GTF2F2: variants seen among roughly 807,000 people sequenced by gnomAD.
GTF2F2 encodes general transcription factor IIF subunit 2.
A neutral mutation model predicts 42.2 loss-of-function variants in GTF2F2; 23 were observed. That is an observed-to-expected ratio of 0.55 (90% CI 0.39 to 0.77). The LOEUF (loss-of-function observed/expected upper bound fraction) is 0.77, where lower values mean the gene tolerates loss of function less well. Ranked by LOEUF, GTF2F2 falls within the 30% of genes least tolerant of loss-of-function variation. GTF2F2 has a pLI of 0.00. For missense variants in GTF2F2, 261 were observed against 287.2 expected, an observed-to-expected ratio of 0.91 and a Z score of 0.66; for synonymous variants, 105 against 100.8, an observed-to-expected ratio of 1.04 and a Z score of -0.25.
rs183481513 is a variant in GTF2F2, at chr13:45,190,820, C to T, written c.305-16604C>T. Among the ~76,000 whole-genome samples the T allele has an allele frequency of 2.1e-3, 318 of 151,170 alleles. 4 individuals carry two copies. The highest frequency in any genetic ancestry group is 7.3e-3 in the African/African-American group (300 of 41,140). ...AGGCTGGAGTGCAGTGGTGCGATCTCGGCTCACCACAACTTCCACCTCTCA... is the reference window on the plus strand; with the variant it reads ...AGGCTGGAGTGCAGTGGTGCGATCTTGGCTCACCACAACTTCCACCTCTCA... On this transcript the variant is annotated intron_variant, in intron 4 of 7. Transcript: ENST00000340473.
At chr13:45,136,077 A>G (rs139662540) in intron 1 of GTF2F2, among the ~76,000 whole-genome samples, 2 of 152,360 alleles carry the variant, frequency 1.3e-5, no homozygotes, top group East Asian at 3.9e-4. Context: ...CTGGGTTCAA[A>G]TCCTGTCTCC....
chr13:45,204,108 C>A (rs80201420), intron 4 of GTF2F2, among the ~76,000 whole-genome samples: 1,781 of 152,110 alleles, frequency 0.012, 19 homozygotes, highest in Middle Eastern at 0.02. Context: ...GGAGTCTATA[C>A]ATTTTTCCTT....
At chr13:45,154,317 A>T (rs950725425) in intron 4 of GTF2F2, among the ~76,000 whole-genome samples, 1 of 152,254 alleles carries the variant, frequency 6.6e-6, no homozygotes, top group Non-Finnish European at 1.5e-5. Context: ...TGTTAGCCTC[A>T]AAATTAGTCT....
chr13:45,273,691 G>GT (rs2138271736), intron 7 of GTF2F2, among the ~76,000 whole-genome samples: 1 of 121,468 alleles, frequency 8.2e-6, no homozygotes, highest in African/African-American at 3.4e-5. Context: ...GTCTTGTTCT[G>GT]TGGCCCAGGC....
chr13:45,268,114 T>G (rs1876645381), intron 7 of GTF2F2, among the ~76,000 whole-genome samples: 1 of 152,158 alleles, frequency 6.6e-6, no homozygotes, highest in Non-Finnish European at 1.5e-5. Context: ...TCCATTTAAC[T>G]TTCTCCACCA....
At chr13:45,270,706 T>C in intron 7 of GTF2F2, among the ~76,000 whole-genome samples, 1 of 152,222 alleles carries the variant, frequency 6.6e-6, no homozygotes, top group South Asian at 2.1e-4. Flanking sequence ...TCTGGATTTT[T>C]CCCCCCTCAA....
chr13:45,167,632 T>G (rs1871356861), intron 4 of GTF2F2, among the ~76,000 whole-genome samples: 1 of 152,140 alleles, frequency 6.6e-6, no homozygotes, highest in Non-Finnish European at 1.5e-5. Context: ...TCTCTTGACG[T>G]CGTGATCTGC....
At chr13:45,203,963 A>G (rs386497818) in intron 4 of GTF2F2, among the ~76,000 whole-genome samples, 4 of 152,320 alleles carry the variant, frequency 2.6e-5, no homozygotes, top group Non-Finnish European at 4.4e-5. Flanking sequence ...CAAGGGATCA[A>G]TGATGTCAAG....
chr13:45,212,758 T>C (rs1439323568), intron 5 of GTF2F2, among the ~76,000 whole-genome samples: 1 of 151,804 alleles, frequency 6.6e-6, no homozygotes, highest in Non-Finnish European at 1.5e-5. Context: ...TTTTTTGTTG[T>C]TGAGACAGGG....
intron 5 of GTF2F2, among the ~76,000 whole-genome samples, chr13:45,228,011 G>A (rs986697855): frequency 6.6e-5 from 10 of 151,732 alleles, no homozygotes; most frequent in African/African-American, 2.4e-4. Flanking sequence ...TCTTTCATTT[G>A]GTTGCTAGTC....
At chr13:45,129,759 G>A (rs1382930703) in intron 1 of GTF2F2, among the ~76,000 whole-genome samples, 1 of 152,172 alleles carries the variant, frequency 6.6e-6, no homozygotes. Context: ...GTTCTAATGA[G>A]GAGGGAGAAT....
chr13:45,170,304 G>A (rs189204560), intron 4 of GTF2F2, among the ~76,000 whole-genome samples: 77 of 152,326 alleles, frequency 5.1e-4, no homozygotes, highest in Non-Finnish European at 1.0e-3. Context: ...GAGCCACTGT[G>A]CCCAGCTGAG....
At chr13:45,182,643 G>A (rs369496435) in intron 4 of GTF2F2, among the ~76,000 whole-genome samples, 10 of 152,094 alleles carry the variant, frequency 6.6e-5, no homozygotes, top group South Asian at 6.2e-4. Flanking sequence ...TCCCTCCTCC[G>A]ATTTGCTTAA....
chr13:45,202,610 A>G (rs1012663157), intron 4 of GTF2F2, among the ~76,000 whole-genome samples: 5 of 152,238 alleles, frequency 3.3e-5, no homozygotes, highest in Non-Finnish European at 1.5e-5. Context: ...AATGATATCA[A>G]TATGCAGTTC....
intron 7 of GTF2F2, among the ~76,000 whole-genome samples, chr13:45,282,122 TG>T (rs772890440): frequency 3.9e-4 from 60 of 152,214 alleles, no homozygotes; most frequent in Non-Finnish European, 6.6e-4. Context: ...CGCTTGAACC[TG>T]GGAGGCGGAG....
chr13:45,131,820 G>A (rs761997670), intron 1 of GTF2F2, among the ~76,000 whole-genome samples: 4 of 147,558 alleles, frequency 2.7e-5, no homozygotes, highest in African/African-American at 1.0e-4. Context: ...TGGGAGTATC[G>A]TTGGAGCCCA....
chr13:45,267,810 ATTTTTTT>A (rs201281124), intron 7 of GTF2F2, among the ~76,000 whole-genome samples: 2 of 121,764 alleles, frequency 1.6e-5, no homozygotes, highest in Non-Finnish European at 3.6e-5. Flanking sequence ...TTTTCTGTGG[ATTTTTTT>A]TTTTTTTTTT....
chr13:45,253,930 G>A (rs1401354514), intron 6 of GTF2F2, among the ~76,000 whole-genome samples: 3 of 152,158 alleles, frequency 2.0e-5, no homozygotes, highest in East Asian at 1.9e-4. Flanking sequence ...AAAATTAGTC[G>A]GGCATGGCGG....
At chr13:45,186,484 G>T (rs1177297762) in intron 4 of GTF2F2, among the ~76,000 whole-genome samples, 1 of 150,906 alleles carries the variant, frequency 6.6e-6, no homozygotes, top group African/African-American at 2.4e-5. Context: ...GTAGAGACGG[G>T]GTTTCATCAT....
Sources: gnomAD v4.1 joint callset for allele counts (sites outside exome capture counted in the v4.1 genomes callset) on GRCh38, gnomAD v4.1.1 for gene constraint, MANE v1.5 for transcripts, NCBI Gene and HGNC (gene_info 2026-07-23, HGNC 2026-07-21) for gene names.